The following ARNT variants were observed in gnomAD, a reference collection of about 807,000 sequenced individuals.
ARNT encodes class E basic helix-loop-helix protein 2.
A neutral mutation model predicts 105.0 loss-of-function variants in ARNT; 30 were observed. The ratio of observed to expected loss-of-function variants is 0.29; its 90% CI spans 0.21 to 0.39. ARNT has a LOEUF of 0.39. Ranked by LOEUF, ARNT falls within the 10% of genes least tolerant of loss-of-function variation. ARNT has a pLI of 1.00. For synonymous variants in ARNT, 304 were observed against 344.0 expected (o/e 0.88, Z 1.29); for missense variants, 748 against 978.7 (o/e 0.76, Z 3.15).
At chr1:150,847,695 C>T (rs1662504645) in intron 3 of ARNT, among the ~76,000 whole-genome samples, 1 of 152,198 alleles carries the variant, frequency 6.6e-6, no homozygotes, top group Non-Finnish European at 1.5e-5. Context: ...CCACTAATAG[C>T]ATGTATCATT....
intron 7 of ARNT, 49 bp from the exon 8 acceptor site, chr1:150,834,689 G>T: frequency 6.6e-7 from 1 of 1,513,484 alleles, no homozygotes; most frequent in Non-Finnish European, 9.2e-7. Context: ...TGTGTGTGGG[G>T]AAGAGGGGGA....
chr1:150,852,177 T>C (rs1663745703), intron 3 of ARNT, among the ~76,000 whole-genome samples: 1 of 152,176 alleles, frequency 6.6e-6, no homozygotes, highest in Non-Finnish European at 1.5e-5. Context: ...CCTCTCAGTA[T>C]GTACTTCCTT....
At chr1:150,813,078 C>T (rs186737810) in intron 21 of ARNT, 94 bp downstream of exon 21, 2 of 1,417,786 alleles carry the variant, frequency 1.4e-6, no homozygotes, top group African/African-American at 1.4e-5. Context: ...CAACCAAACA[C>T]CTCAATCCAG....
intron 1 of ARNT, among the ~76,000 whole-genome samples, chr1:150,864,765 AAAATAAAT>A (rs1230615571): frequency 6.7e-4 from 95 of 141,562 alleles, no homozygotes; most frequent in African/African-American, 2.4e-3. Flanking sequence ...AGTATAATAA[AAAATAAAT>A]AAATAAATAA....
chr1:150,858,623 T>C (rs1665050220), intron 1 of ARNT, among the ~76,000 whole-genome samples, 163 bp from the exon 2 acceptor site: 1 of 151,280 alleles, frequency 6.6e-6, no homozygotes. Context: ...TTGATTTTTT[T>C]TTTTTTTTTT....
intron 15 of ARNT, 45 bp from the exon 16 acceptor site, chr1:150,817,478 T>G (rs765300913): frequency 2.5e-6 from 4 of 1,589,322 alleles, no homozygotes; most frequent in Non-Finnish European, 3.4e-6. Context: ...AAAAAAAAAT[T>G]TTTTTTAAAA....
intron 3 of ARNT, among the ~76,000 whole-genome samples, chr1:150,851,982 A>G (rs1193664532): frequency 6.6e-6 from 1 of 151,724 alleles, no homozygotes; most frequent in African/African-American, 2.4e-5. Flanking sequence ...CAGGAGGCGG[A>G]GGTTGCAGTG....
Position 150,817,152 on chromosome 1 carries a change from C to T in ARNT, c.1629G>A (p.Glu543=), listed in dbSNP as rs138932526. Residue 543 remains glutamate, a synonymous_variant, in exon 17 of 22, where the codon GAG becomes GAA. Coordinates refer to ENST00000358595, the MANE Select transcript of ARNT (RefSeq NM_001668.4). ...CCTGGGCAAATAAACCATCTGACTTCTCAAGGGGCTTGCTGTGTTCTGGTC... is the reference window on the plus strand; with the variant it reads ...CCTGGGCAAATAAACCATCTGACTTTTCAAGGGGCTTGCTGTGTTCTGGTC... ...TTGPEHSKPL[E]KSDGLFAQDR... 15 of 1,614,082 alleles carry T rather than the reference C, an allele frequency of 9.3e-6. No individual in the cohort carries two copies. Among genetic ancestry groups the T allele is most frequent in the Non-Finnish European group, 1.3e-5 (15 of 1,180,046 alleles).
intron 1 of ARNT, among the ~76,000 whole-genome samples, chr1:150,860,215 A>ACTTT (rs1221352608): frequency 1.5e-5 from 1 of 65,520 alleles, no homozygotes; most frequent in African/African-American, 5.4e-5. Context: ...AAAAAAAAAA[A>ACTTT]TTCTTTTTTT....
chr1:150,840,020 T>C (rs1661000108), intron 5 of ARNT, among the ~76,000 whole-genome samples: 1 of 152,056 alleles, frequency 6.6e-6, no homozygotes, highest in African/African-American at 2.4e-5. Flanking sequence ...GCAGGTGGAT[T>C]ACTTGAGGCC....
chr1:150,871,785 G>A (rs1425259938), intron 1 of ARNT, among the ~76,000 whole-genome samples: 1 of 149,972 alleles, frequency 6.7e-6, no homozygotes, highest in Non-Finnish European at 1.5e-5. Flanking sequence ...GCAGGTGCCT[G>A]TAATCCCAGC....
At position 150,811,392 on chromosome 1, in the gene ARNT, A is replaced by G. The variant is rs1460406926; in HGVS notation, c.*629T>C. 4.3e-6 allele frequency: 1 copy of G among 233,690 alleles called. No individual in the cohort carries two copies. Among genetic ancestry groups the G allele is most frequent in the East Asian group, 6.0e-5 (1 of 16,714 alleles). 14.5% of individuals were successfully genotyped at this position (233,690 alleles called of 1,614,324 possible). On this transcript the variant is annotated 3_prime_UTR_variant, in exon 22 of 22. Coordinates refer to ENST00000358595, the MANE Select transcript of ARNT (RefSeq NM_001668.4). ...AAAGTACACAGAAAGACAAAGGTAAAATCGGGGACAAATTTTGCATAACTC... is the reference window on the plus strand; with the variant it reads ...AAAGTACACAGAAAGACAAAGGTAAGATCGGGGACAAATTTTGCATAACTC...
chr1:150,828,796 A>T (rs1658787772), intron 12 of ARNT, among the ~76,000 whole-genome samples: 1 of 152,202 alleles, frequency 6.6e-6, no homozygotes. Context: ...AAATGTAGCT[A>T]TACTGGTATA....
chr1:150,816,750 CAG>C (rs1376369383), intron 18 of ARNT, 36 bp downstream of exon 18: 2 of 1,534,194 alleles, frequency 1.3e-6, no homozygotes, highest in Non-Finnish European at 1.7e-6. Flanking sequence ...CTGAATCCCT[CAG>C]GGCCCTGTAA....
chr1:150,839,701 C>T (rs1660932162), intron 5 of ARNT, 47 bp from the exon 6 acceptor site: 1 of 1,550,868 alleles, frequency 6.4e-7, no homozygotes, highest in Admixed American at 1.9e-5. Flanking sequence ...CACATCTGGT[C>T]ATTTGGTAGC....
At chr1:150,847,131 C>T (rs1041240678) in intron 3 of ARNT, among the ~76,000 whole-genome samples, 1 of 151,916 alleles carries the variant, frequency 6.6e-6, no homozygotes, top group African/African-American at 2.4e-5. Context: ...TATATATATA[C>T]CCAGAAAAAG....
chr1:150,816,195 T>TA, intron 19 of ARNT, 64 bp downstream of exon 19: 1 of 1,529,908 alleles, frequency 6.5e-7, no homozygotes, highest in Non-Finnish European at 8.8e-7. Context: ...TGATTTTACA[T>TA]ACGGAAAAAA....
chr1:150,859,049 T>C (rs908224732), intron 1 of ARNT, among the ~76,000 whole-genome samples: 9 of 151,504 alleles, frequency 5.9e-5, no homozygotes, highest in Non-Finnish European at 7.4e-5. Flanking sequence ...CATAACAATA[T>C]ACTAATATTG....
chr1:150,838,835 C>G (rs138036180), intron 6 of ARNT, among the ~76,000 whole-genome samples: 1 of 152,274 alleles, frequency 6.6e-6, no homozygotes, highest in East Asian at 1.9e-4. Context: ...CTATCTAGTC[C>G]CACATAAAAT....
Sources: allele counts gnomAD v4.1 joint callset (sites outside exome capture counted in the v4.1 genomes callset), GRCh38; gene constraint gnomAD v4.1.1; transcripts MANE v1.5; gene names NCBI Gene and HGNC (gene_info 2026-07-23, HGNC 2026-07-21).